REDIC1: variants seen among roughly 807,000 people sequenced by gnomAD.
REDIC1 encodes regulator of DNA class I crossover intermediates 1, also known as HEI10 Interacting Protein 1.
the REDIC1 span, among the ~76,000 whole-genome samples, chr12:39,881,679 C>T: frequency 5.3e-5 from 8 of 152,132 alleles, no homozygotes; most frequent in South Asian, 2.1e-4. Flanking sequence ...TAAGTCTAGA[C>T]GTGAGGCATA....
chr12:39,803,524 T>C, the REDIC1 span, among the ~76,000 whole-genome samples: 1 of 152,096 alleles, frequency 6.6e-6, no homozygotes, highest in Non-Finnish European at 1.5e-5. Context: ...TAAAAAGATA[T>C]AAAATGTAAC....
the REDIC1 span, among the ~76,000 whole-genome samples, chr12:39,767,282 A>G: frequency 7.0e-6 from 1 of 142,556 alleles, no homozygotes; most frequent in Non-Finnish European, 1.5e-5. Flanking sequence ...GTCAATCAGC[A>G]GTAATATTTT....
the REDIC1 span, among the ~76,000 whole-genome samples, chr12:39,896,367 T>C: frequency 7.1e-6 from 1 of 141,326 alleles, no homozygotes; most frequent in Non-Finnish European, 1.5e-5. Flanking sequence ...TGTGTATATA[T>C]GTATACATAT....
the REDIC1 span, among the ~76,000 whole-genome samples, chr12:39,770,010 C>T: frequency 6.6e-6 from 1 of 151,956 alleles, no homozygotes; most frequent in Non-Finnish European, 1.5e-5. Flanking sequence ...ACATTGCTGA[C>T]AACTCTCCTT....
the REDIC1 span, chr12:39,829,392 C>CTTTTTTTTTTGTTTTTTTTTTTT: frequency 1.5e-5 from 1 of 65,796 alleles, no homozygotes; most frequent in Non-Finnish European, 2.5e-5. Context: ...GATAGTAATT[C>CTTTTTTTTTTGTTTTTTTTTTTT]TTTTTTTTTT....
the REDIC1 span, among the ~76,000 whole-genome samples, chr12:39,819,211 G>A: frequency 1.3e-5 from 2 of 152,030 alleles, no homozygotes; most frequent in African/African-American, 4.8e-5. Context: ...AGAACAATAA[G>A]GAATATATGA....
At chr12:39,724,128 G>A in the REDIC1 span, among the ~76,000 whole-genome samples, 2 of 152,082 alleles carry the variant, frequency 1.3e-5, no homozygotes, top group East Asian at 1.9e-4. Flanking sequence ...AATGCTGTTT[G>A]AGCGCAGTCG....
chr12:39,641,555 T>C, the REDIC1 span, among the ~76,000 whole-genome samples: 1 of 151,642 alleles, frequency 6.6e-6, no homozygotes, highest in African/African-American at 2.4e-5. Context: ...CAACATCCAT[T>C]AGCAGTAGAA....
At chr12:39,688,979 G>A in the REDIC1 span, among the ~76,000 whole-genome samples, 23 of 152,226 alleles carry the variant, frequency 1.5e-4, no homozygotes, top group East Asian at 4.2e-3. Context: ...TTTTTTTGTA[G>A]AATGTACCCT....
chr12:39,689,421 C>T, the REDIC1 span, among the ~76,000 whole-genome samples: 8 of 152,062 alleles, frequency 5.3e-5, no homozygotes, highest in African/African-American at 1.9e-4. Flanking sequence ...TAAGTTTGAC[C>T]CACTGAGCTC....
At chr12:39,741,878 T>G in the REDIC1 span, among the ~76,000 whole-genome samples, 2 of 152,224 alleles carry the variant, frequency 1.3e-5, no homozygotes, top group Non-Finnish European at 2.9e-5. Flanking sequence ...CACAACATAC[T>G]GGGTCAAAAT....
the REDIC1 span, among the ~76,000 whole-genome samples, chr12:39,699,765 C>G: frequency 5.9e-5 from 9 of 152,188 alleles, no homozygotes; most frequent in Non-Finnish European, 1.3e-4. Flanking sequence ...CAGAATGCCT[C>G]CTCAAGTGGG....
the REDIC1 span, chr12:39,646,300 A>T: frequency 1.4e-6 from 1 of 727,592 alleles, no homozygotes; most frequent in South Asian, 4.3e-5. Context: ...TCTTATTTTA[A>T]AATTATAATT....
At chr12:39,848,344 C>G in the REDIC1 span, among the ~76,000 whole-genome samples, 18 of 151,960 alleles carry the variant, frequency 1.2e-4, no homozygotes, top group African/African-American at 4.3e-4. Flanking sequence ...AAAAACAACC[C>G]CATTAAAAAG....
chr12:39,682,799 T>C, the REDIC1 span: 1 of 1,612,798 alleles, frequency 6.2e-7, no homozygotes, highest in Non-Finnish European at 8.5e-7. Flanking sequence ...CCTAACCTTC[T>C]ATCAGAGAAT....
chr12:39,744,104 A>G, the REDIC1 span, among the ~76,000 whole-genome samples: 1 of 152,236 alleles, frequency 6.6e-6, no homozygotes, highest in South Asian at 2.1e-4. Context: ...CCAAAGCAAA[A>G]AAAAAGCAGT....
the REDIC1 span, among the ~76,000 whole-genome samples, chr12:39,850,176 G>C: frequency 6.6e-6 from 1 of 152,078 alleles, no homozygotes; most frequent in Non-Finnish European, 1.5e-5. Flanking sequence ...CAGTGGATTT[G>C]TCCATAAGTA....
At chr12:39,907,627 C>A in the REDIC1 span, 1 of 152,106 alleles carries the variant, frequency 6.6e-6, no homozygotes, top group African/African-American at 2.4e-5. Context: ...AATTCCTCTA[C>A]CCATAGATTA....
the REDIC1 span, among the ~76,000 whole-genome samples, chr12:39,835,147 T>C: frequency 1.3e-5 from 2 of 152,128 alleles, no homozygotes; most frequent in Non-Finnish European, 2.9e-5. Flanking sequence ...TGGTCTATTT[T>C]GGTGAAAAGC....
Sources: allele counts gnomAD v4.1 joint callset (sites outside exome capture counted in the v4.1 genomes callset), GRCh38; gene constraint gnomAD v4.1.1; transcripts MANE v1.5; gene names NCBI Gene and HGNC (gene_info 2026-07-23, HGNC 2026-07-21).